Variants in DCLK3 observed in about 807,000 individuals in gnomAD.
DCLK3 encodes serine/threonine-protein kinase DCLK3.
A neutral mutation model predicts 46.4 loss-of-function variants in DCLK3; 30 were observed. That is an observed-to-expected ratio of 0.65 (90% CI 0.48 to 0.88). The LOEUF is 0.88. DCLK3 is among the 40% of genes least tolerant of loss of function. The probability of loss-of-function intolerance (pLI) is 0.00; values close to 1 mark genes in which losing one functional copy is unlikely to be tolerated. For missense variants in DCLK3, 846 were observed against 907.1 expected (o/e 0.93, Z 0.87); for synonymous variants, 401 against 339.2 (o/e 1.18, Z -2.00).
At chr3:36,726,625 C>T (rs1432859230) in intron 2 of DCLK3, among the ~76,000 whole-genome samples, 4 of 152,118 alleles carry the variant, frequency 2.6e-5, no homozygotes, top group Non-Finnish European at 5.9e-5. Context: ...AAATTCTCCC[C>T]ACTTGCTTTG....
intron 2 of DCLK3, among the ~76,000 whole-genome samples, chr3:36,724,479 T>C (rs1433373243): frequency 6.6e-6 from 1 of 152,166 alleles, no homozygotes; most frequent in East Asian, 1.9e-4. Context: ...CCAAATCTCA[T>C]CTTGAATTGT....
At chr3:36,732,241 C>A (rs1701207837) in intron 2 of DCLK3, among the ~76,000 whole-genome samples, 2 of 152,170 alleles carry the variant, frequency 1.3e-5, no homozygotes, top group African/African-American at 4.8e-5. Flanking sequence ...GACGCCTATC[C>A]TTTTAGGTGG....
chr3:36,721,420 T>A, intron 3 of DCLK3, 107 bp downstream of exon 3: 1 of 1,425,712 alleles, frequency 7.0e-7, no homozygotes, highest in South Asian at 1.3e-5. Flanking sequence ...CAAGCCTAAG[T>A]GTCAGTTCTC....
At chr3:36,762,765 G>T (rs1379006520) in intron 1 of DCLK3, among the ~76,000 whole-genome samples, 1 of 152,170 alleles carries the variant, frequency 6.6e-6, no homozygotes, top group Non-Finnish European at 1.5e-5. Context: ...AGATGGCAAA[G>T]CTCACCATAA....
chr3:36,749,188 C>T (rs1219567852), intron 1 of DCLK3, among the ~76,000 whole-genome samples: 4 of 152,188 alleles, frequency 2.6e-5, no homozygotes, highest in Non-Finnish European at 5.9e-5. Context: ...TCATAGTAAC[C>T]TTGATTGGGG....
intron 1 of DCLK3, among the ~76,000 whole-genome samples, chr3:36,750,237 C>T (rs536696874): frequency 5.9e-5 from 9 of 152,146 alleles, no homozygotes; most frequent in African/African-American, 1.9e-4. Flanking sequence ...TGTACTACCA[C>T]GCCCAGTTAA....
intron 1 of DCLK3, among the ~76,000 whole-genome samples, chr3:36,761,413 CA>C (rs1701538122): frequency 1.3e-5 from 2 of 152,168 alleles, no homozygotes; most frequent in Admixed American, 1.3e-4. Flanking sequence ...AGGATGGAGC[CA>C]AACTCCCCTC....
At position 36,739,027 on chromosome 3, in the gene DCLK3, C is replaced by T. The variant is rs967446746; in HGVS notation, c.140G>A (p.Arg47Gln). The T allele has an allele frequency of 1.8e-5, 7 of 398,780 alleles. No homozygotes were observed. The highest frequency in any genetic ancestry group is 4.1e-5 in the African/African-American group (2 of 48,636). 24.7% of individuals were successfully genotyped at this position (398,780 alleles called of 1,614,324 possible). The change falls in exon 2 of 5, where the codon CGG (arginine) becomes CAG (glutamine). Residue 47 changes from arginine (R) to glutamine (Q), a missense_variant. This residue lies in a region of DCLK3 where 553 missense variants were observed against 543.0 expected (regional missense o/e 1.02). Transcript: ENST00000636136. ...LKYLSSRITE[R>Q]KLQGSWLPAS... is the part of the protein sequence containing the mutation. ...AGGCAGCCAGGAGCCTTGCAGCTTC[C>T]GCTCTGTGATTCTCGAGCTTAAATA...
chr3:36,745,793 C>A (rs1701389006), intron 1 of DCLK3, among the ~76,000 whole-genome samples: 1 of 152,180 alleles, frequency 6.6e-6, no homozygotes, highest in African/African-American at 2.4e-5. Context: ...TGCTCATATG[C>A]AGAGATGAGG....
At chr3:36,743,904 T>C (rs561281226) in intron 1 of DCLK3, among the ~76,000 whole-genome samples, 11 of 152,190 alleles carry the variant, frequency 7.2e-5, no homozygotes, top group African/African-American at 2.7e-4. Context: ...CCATCTCTAC[T>C]CCCAAACCTT....
At chr3:36,756,123 G>A (rs1435243115) in intron 1 of DCLK3, among the ~76,000 whole-genome samples, 1 of 152,226 alleles carries the variant, frequency 6.6e-6, no homozygotes, top group East Asian at 1.9e-4. Flanking sequence ...AGCACTAGAG[G>A]AGAGTGGAAA....
rs13434080 is a variant in DCLK3, at chr3:36,714,473, A to T, written c.*855T>A. 0.33 allele frequency: 50,190 copies of T among 152,120 alleles called. 9,290 individuals carry two copies. Among genetic ancestry groups the T allele is most frequent in the Non-Finnish European group, 0.43 (29,127 of 67,966 alleles). 9.4% of individuals were successfully genotyped at this position (152,120 alleles called of 1,614,324 possible). A position where few individuals can be genotyped will look rare whatever the true frequency, so the allele number is the denominator to read the frequency against. ...CTGGGTGTATGCCCTGCAGGTAGGA[A>T]TGTGCTTGAACTCTGAGCTCCTTCG... On this transcript the variant is annotated 3_prime_UTR_variant, in exon 5 of 5. Transcript: ENST00000636136.
At chr3:36,718,923 T>C (rs1415315976) in intron 3 of DCLK3, among the ~76,000 whole-genome samples, 1 of 152,216 alleles carries the variant, frequency 6.6e-6, no homozygotes, top group Non-Finnish European at 1.5e-5. Context: ...AGGATCACAT[T>C]GCACCTATAC....
intron 1 of DCLK3, among the ~76,000 whole-genome samples, chr3:36,746,994 C>A (rs2125534918): frequency 6.6e-6 from 1 of 152,246 alleles, no homozygotes. Flanking sequence ...TCCAGAGTAT[C>A]CTTTTGGGAG....
At chr3:36,759,869 C>T (rs1043228145) in intron 1 of DCLK3, among the ~76,000 whole-genome samples, 10 of 152,338 alleles carry the variant, frequency 6.6e-5, no homozygotes, top group East Asian at 3.9e-4. Context: ...ATTACCCTAA[C>T]GCCACAGAGT....
At chr3:36,720,512 T>TA (rs1701041507) in intron 3 of DCLK3, among the ~76,000 whole-genome samples, 1 of 150,978 alleles carries the variant, frequency 6.6e-6, no homozygotes, top group Non-Finnish European at 1.5e-5. Context: ...ATCTTTTTTT[T>TA]TTTTTTTTTG....
chr3:36,730,631 A>G (rs758617136), intron 2 of DCLK3, among the ~76,000 whole-genome samples: 1 of 152,306 alleles, frequency 6.6e-6, no homozygotes, highest in Non-Finnish European at 1.5e-5. Context: ...TGGTTTTTAC[A>G]TGAAACTTAA....
chr3:36,743,061 G>C (rs1016215234), intron 1 of DCLK3, among the ~76,000 whole-genome samples: 2 of 151,814 alleles, frequency 1.3e-5, no homozygotes, highest in African/African-American at 4.8e-5. Context: ...TACCAATTTT[G>C]AACCATAAAA....
chr3:36,728,449 A>G (rs927504895), intron 2 of DCLK3, among the ~76,000 whole-genome samples: 1 of 152,192 alleles, frequency 6.6e-6, no homozygotes, highest in African/African-American at 2.4e-5. Flanking sequence ...ATCTGCCCTC[A>G]ATATGGATGA....
Sources: gnomAD v4.1 joint callset for allele counts (sites outside exome capture counted in the v4.1 genomes callset) on GRCh38, gnomAD v4.1.1 for gene constraint, gnomAD v4.1.1 regional missense constraint, MANE v1.5 for transcripts, NCBI Gene and HGNC (gene_info 2026-07-23, HGNC 2026-07-21) for gene names.